The following AK5 variants were observed in gnomAD, a reference collection of about 807,000 sequenced individuals.
AK5 encodes adenylate kinase 5.
In AK5, 27 loss-of-function variants were observed where a neutral mutation model predicts 69.5. The ratio of observed to expected loss-of-function variants is 0.39; its 90% CI spans 0.29 to 0.54. The LOEUF is 0.54. AK5 is among the 20% of genes least tolerant of loss of function. The pLI is 0.71. For synonymous variants in AK5, 260 were observed against 244.4 expected (o/e 1.06, Z -0.60); for missense variants, 531 against 700.4 (o/e 0.76, Z 2.73).
chr1:77,540,150 CAA>C (rs1305473419), intron 13 of AK5, among the ~76,000 whole-genome samples: 3 of 152,286 alleles, frequency 2.0e-5, no homozygotes, highest in African/African-American at 7.2e-5. Flanking sequence ...AAATTTCAAA[CAA>C]AGATAATTTT....
chr1:77,313,511 C>T (rs1156509307), intron 5 of AK5, among the ~76,000 whole-genome samples: 3 of 152,104 alleles, frequency 2.0e-5, no homozygotes, highest in Non-Finnish European at 2.9e-5. Context: ...GTCTACATTC[C>T]TACATGTGTG....
At chr1:77,470,875 A>ATT (rs149758544) in intron 8 of AK5, among the ~76,000 whole-genome samples, 20 of 74,962 alleles carry the variant, frequency 2.7e-4, no homozygotes, top group African/African-American at 9.4e-4. Flanking sequence ...ATATATATAT[A>ATT]TTTTTTTTTT....
At chr1:77,339,013 A>G (rs1392914370) in intron 5 of AK5, among the ~76,000 whole-genome samples, 4 of 152,206 alleles carry the variant, frequency 2.6e-5, no homozygotes, top group Non-Finnish European at 5.9e-5. Context: ...CCATTTTTTA[A>G]CTAGTGGTCT....
chr1:77,497,292 C>T (rs904651305), intron 10 of AK5, among the ~76,000 whole-genome samples: 3 of 152,142 alleles, frequency 2.0e-5, no homozygotes. Context: ...TCTGGATGTG[C>T]CACCTTTAAG....
chr1:77,535,767 A>AAAACC lies in AK5; in HGVS notation c.1429-78_1429-74dup. The stretch of plus-strand genomic sequence containing the variant: ...AGGGAACCAGAAGGCCAAGAAAGGA[A>AAAACC]AAACCAGAGGCCCTGGGCCTTTCCA... On this transcript the variant is annotated intron_variant, in intron 12 of 13. Coordinates refer to ENST00000354567, the MANE Select transcript of AK5 (RefSeq NM_174858.3). The AAAACC allele has an allele frequency of 2.2e-6, 3 of 1,363,998 alleles. No homozygotes were observed. In the South Asian group the frequency reaches 4.4e-5, roughly 20 times the overall value. 84.5% of individuals were successfully genotyped at this position (1,363,998 alleles called of 1,614,324 possible). A position where few individuals can be genotyped will look rare whatever the true frequency, so the allele number is the denominator to read the frequency against.
chr1:77,438,833 T>G (rs1358255996), intron 8 of AK5, among the ~76,000 whole-genome samples: 2 of 152,112 alleles, frequency 1.3e-5, no homozygotes, highest in African/African-American at 4.8e-5. Context: ...AAGAACATTG[T>G]CCTTAAACCA....
At chr1:77,500,674 C>T (rs968275747) in intron 10 of AK5, among the ~76,000 whole-genome samples, 1 of 151,882 alleles carries the variant, frequency 6.6e-6, no homozygotes, top group Admixed American at 6.6e-5. Flanking sequence ...CCCAGCTACT[C>T]GGGAGGCTGA....
At position 77,361,201 on chromosome 1, in the gene AK5, C is replaced by T. The variant is rs568381916; in HGVS notation, c.891+20633C>T. On this transcript the variant is annotated intron_variant, in intron 6 of 13. Transcript: ENST00000354567. The stretch of plus-strand genomic sequence containing the variant: ...CTGACTACTCAAGCCTCTACAGTCT[C>T]CTCTGTTTCTAAATTCCTTTACTAC... Among the ~76,000 whole-genome samples, 3 of 152,312 alleles carry T rather than the reference C, an allele frequency of 2.0e-5. No homozygotes were observed. The East Asian group carries it at 5.8e-4, about 29-fold the overall frequency.
Position 77,558,658 on chromosome 1 carries a change from C to T in AK5, c.1677C>T (p.Asp559=). ...DVFLQLCTAI[D]SIF is the part of the protein sequence containing the mutation. ...TTCTTCAACTCTGCACAGCTATTGACTCTATTTTCTGAAGGCAAAAATGCA... is the reference window on the plus strand; with the variant it reads ...TTCTTCAACTCTGCACAGCTATTGATTCTATTTTCTGAAGGCAAAAATGCA... The change falls in exon 14 of 14, where the codon GAC becomes GAT. Residue 559 remains aspartate, a synonymous_variant. Coordinates refer to ENST00000354567, the MANE Select transcript of AK5 (RefSeq NM_174858.3). 1 of 1,528,104 alleles carries T rather than the reference C, an allele frequency of 6.5e-7. No individual in the cohort carries two copies. Among genetic ancestry groups the T allele is most frequent in the Non-Finnish European group, 8.9e-7 (1 of 1,126,146 alleles). The allele number at this position is 1,528,104 out of a possible 1,614,324, so 94.7% of individuals were successfully genotyped here.
At chr1:77,288,229 C>T (rs977807642) in intron 2 of AK5, among the ~76,000 whole-genome samples, 11 of 152,270 alleles carry the variant, frequency 7.2e-5, no homozygotes, top group Middle Eastern at 3.4e-3. Context: ...ATGTGCTTAT[C>T]AGAATTAGGG....
intron 2 of AK5, among the ~76,000 whole-genome samples, chr1:77,290,999 G>A (rs779410882): frequency 6.6e-5 from 10 of 152,130 alleles, no homozygotes; most frequent in Non-Finnish European, 1.5e-4. Flanking sequence ...GTTCAGGGTC[G>A]GCTTCCTGGA....
At chr1:77,508,759 C>G (rs1020737719) in intron 10 of AK5, among the ~76,000 whole-genome samples, 3 of 151,642 alleles carry the variant, frequency 2.0e-5, no homozygotes, top group African/African-American at 7.3e-5. Context: ...CCCAGCTACT[C>G]GAGAGGCTGA....
intron 12 of AK5, among the ~76,000 whole-genome samples, chr1:77,522,564 A>G (rs1324304402): frequency 1.3e-5 from 2 of 152,094 alleles, no homozygotes; most frequent in East Asian, 3.9e-4. Context: ...CAGAATCAGA[A>G]CTACACACCA....
At chr1:77,294,039 A>G (rs1658844818) in intron 3 of AK5, 79 bp downstream of exon 3, 14 of 1,285,736 alleles carry the variant, frequency 1.1e-5, no homozygotes, top group Middle Eastern at 2.4e-4. Flanking sequence ...AGTAAATCAT[A>G]TATGTGCAAA....
At chr1:77,315,743 A>G (rs1347504961) in intron 5 of AK5, among the ~76,000 whole-genome samples, 1 of 152,144 alleles carries the variant, frequency 6.6e-6, no homozygotes, top group African/African-American at 2.4e-5. Context: ...CTTTATGCCA[A>G]AGACTGGTGA....
At chr1:77,504,086 G>A (rs780350108) in intron 10 of AK5, among the ~76,000 whole-genome samples, 17 of 152,086 alleles carry the variant, frequency 1.1e-4, no homozygotes, top group Admixed American at 9.2e-4. Flanking sequence ...GTAAATTGCA[G>A]GTTCCTCAAG....
intron 5 of AK5, among the ~76,000 whole-genome samples, chr1:77,311,940 G>A (rs1227247496): frequency 2.0e-5 from 3 of 152,090 alleles, no homozygotes; most frequent in African/African-American, 7.2e-5. Context: ...ACACCACTGG[G>A]CAAGAAGCAT....
intron 7 of AK5, among the ~76,000 whole-genome samples, chr1:77,415,525 T>G (rs1650367133): frequency 6.6e-6 from 1 of 152,144 alleles, no homozygotes; most frequent in Non-Finnish European, 1.5e-5. Context: ...GAAAGCCAGA[T>G]AAAATTTGTG....
intron 5 of AK5, among the ~76,000 whole-genome samples, chr1:77,326,999 C>G (rs895691859): frequency 1.3e-5 from 2 of 152,136 alleles, no homozygotes; most frequent in African/African-American, 4.8e-5. Context: ...ATACCAATAA[C>G]AGAATCTCAT....
Sources: allele counts gnomAD v4.1 joint callset (sites outside exome capture counted in the v4.1 genomes callset), GRCh38; gene constraint gnomAD v4.1.1; transcripts MANE v1.5; gene names NCBI Gene and HGNC (gene_info 2026-07-23, HGNC 2026-07-21).